The following LRMDA variants were observed in gnomAD, a reference collection of about 807,000 sequenced individuals.
LRMDA encodes leucine-rich melanocyte differentiation-associated protein.
LRMDA carries 18 observed loss-of-function variants against 29.8 expected under a neutral mutation model. That is an observed-to-expected ratio of 0.60 (90% CI 0.42 to 0.90). LRMDA has a LOEUF of 0.90. Ranked by LOEUF, LRMDA falls within the 40% of genes least tolerant of loss-of-function variation. The probability of loss-of-function intolerance (pLI) is 0.00; values close to 1 mark genes in which losing one functional copy is unlikely to be tolerated. For missense variants in LRMDA, 273 were observed against 273.9 expected (o/e 1.00, Z 0.02); for synonymous variants, 125 against 109.4 (o/e 1.14, Z -0.89).
At position 76,081,316 on chromosome 10, in the gene LRMDA, A is replaced by G. The variant is rs567172735; in HGVS notation, c.516+22533A>G. ...CATGGCAAAATCCTATCTATAAAAA[A>G]TACAAAAATTAGCCGGGTGTGGTGG... On this transcript the variant is annotated intron_variant, in intron 5 of 6. Transcript: ENST00000611255. Among the ~76,000 whole-genome samples, 3 of 152,292 alleles carry G rather than the reference A, an allele frequency of 2.0e-5. No individual in the cohort carries two copies. The East Asian group carries it at 5.8e-4, about 29-fold the overall frequency.
At chr10:76,034,171 T>C (rs775435756) in intron 2 of LRMDA, among the ~76,000 whole-genome samples, 1 of 152,034 alleles carries the variant, frequency 6.6e-6, no homozygotes, top group African/African-American at 2.4e-5. Context: ...TGTGCGTACA[T>C]TGTGGGTTTT....
At chr10:75,998,374 C>T (rs1188061757) in intron 2 of LRMDA, among the ~76,000 whole-genome samples, 1 of 152,128 alleles carries the variant, frequency 6.6e-6, no homozygotes, top group Admixed American at 6.5e-5. Context: ...ATGGTGTGGC[C>T]TCATCACCTG....
At chr10:76,135,541 G>A (rs549997304) in intron 5 of LRMDA, among the ~76,000 whole-genome samples, 36 of 152,268 alleles carry the variant, frequency 2.4e-4, no homozygotes, top group African/African-American at 8.7e-4. Context: ...CAACTAGGTG[G>A]TTTAAACAGC....
chr10:76,083,262 C>G (rs956118077), intron 5 of LRMDA, among the ~76,000 whole-genome samples: 2 of 152,288 alleles, frequency 1.3e-5, no homozygotes, highest in African/African-American at 4.8e-5. Context: ...AGACAGAATT[C>G]CTCTGCCCTA....
intron 2 of LRMDA, among the ~76,000 whole-genome samples, chr10:75,813,724 A>G (rs1844006051): frequency 6.6e-6 from 1 of 152,354 alleles, no homozygotes; most frequent in Non-Finnish European, 1.5e-5. Flanking sequence ...GCAGTTTCAG[A>G]TATCCAAATT....
intron 2 of LRMDA, among the ~76,000 whole-genome samples, chr10:75,612,398 T>C (rs1014753001): frequency 6.6e-6 from 1 of 152,112 alleles, no homozygotes; most frequent in Non-Finnish European, 1.5e-5. Flanking sequence ...TATAGCCAGA[T>C]CCCAAGCAGT....
At chr10:75,465,577 G>A (rs1341455310) in intron 2 of LRMDA, among the ~76,000 whole-genome samples, 1 of 152,204 alleles carries the variant, frequency 6.6e-6, no homozygotes, top group African/African-American at 2.4e-5. Context: ...CGGTGGTAAT[G>A]ACTGCAGCTC....
At chr10:76,120,628 T>G (rs1271913932) in intron 5 of LRMDA, among the ~76,000 whole-genome samples, 1 of 152,148 alleles carries the variant, frequency 6.6e-6, no homozygotes, top group East Asian at 1.9e-4. Context: ...AATGGGATGA[T>G]AGCATAAGAA....
chr10:75,787,040 G>A (rs1242648970), intron 2 of LRMDA, among the ~76,000 whole-genome samples: 9 of 152,330 alleles, frequency 5.9e-5, no homozygotes, highest in Admixed American at 4.6e-4. Context: ...CACTAGATTT[G>A]TCTGTGCTGT....
intron 2 of LRMDA, among the ~76,000 whole-genome samples, chr10:75,613,675 A>C (rs1564522609): frequency 6.6e-6 from 1 of 152,202 alleles, no homozygotes; most frequent in African/African-American, 2.4e-5. Context: ...TGGGTCACCA[A>C]ACAATTTCTC....
At chr10:76,407,595 G>T (rs1841915935) in intron 6 of LRMDA, among the ~76,000 whole-genome samples, 1 of 152,140 alleles carries the variant, frequency 6.6e-6, no homozygotes, top group Admixed American at 6.6e-5. Flanking sequence ...TAGATTTTAT[G>T]ATCACTGTCA....
chr10:76,213,355 T>C (rs747071534), intron 5 of LRMDA, among the ~76,000 whole-genome samples: 3 of 152,208 alleles, frequency 2.0e-5, no homozygotes, highest in Non-Finnish European at 4.4e-5. Flanking sequence ...CCTGGTTGTA[T>C]CCATTTAATA....
intron 6 of LRMDA, among the ~76,000 whole-genome samples, chr10:76,540,282 T>C (rs1452228871): frequency 1.3e-5 from 2 of 150,542 alleles, no homozygotes; most frequent in African/African-American, 5.0e-5. Flanking sequence ...TTTATTTTGA[T>C]GAAAAGATAG....
chr10:75,465,755 T>C (rs1844642576), intron 2 of LRMDA, among the ~76,000 whole-genome samples: 1 of 152,212 alleles, frequency 6.6e-6, no homozygotes, highest in Admixed American at 6.5e-5. Context: ...TGGCATATGG[T>C]AGCAGGCTCC....
chr10:75,545,178 G>C (rs895012398), intron 2 of LRMDA, among the ~76,000 whole-genome samples: 1 of 152,182 alleles, frequency 6.6e-6, no homozygotes, highest in Non-Finnish European at 1.5e-5. Context: ...GCACAGGACA[G>C]CTCCCACAAC....
intron 6 of LRMDA, among the ~76,000 whole-genome samples, chr10:76,552,532 C>A (rs1202238176): frequency 1.3e-5 from 2 of 152,154 alleles, no homozygotes. Flanking sequence ...CAATATTGGA[C>A]CTGGTGTTCT....
At chr10:75,657,518 G>A (rs74147165) in intron 2 of LRMDA, among the ~76,000 whole-genome samples, 2,090 of 152,284 alleles carry the variant, frequency 0.014, 56 homozygotes, top group East Asian at 0.12. Context: ...GACTGCCTGG[G>A]ATTCAAATCC....
Position 75,521,471 on chromosome 10 carries a change from C to T in LRMDA, c.131+82977C>T, listed in dbSNP as rs191836640. Reference sequence around the variant, plus strand: ...CTCGCAGGTCGATCTCAGACTGCTGCGCTAGCAGTGAGCAAGGCTCCGTGG... The same window carrying T: ...CTCGCAGGTCGATCTCAGACTGCTGTGCTAGCAGTGAGCAAGGCTCCGTGG... On this transcript the variant is annotated intron_variant, in intron 2 of 6. Coordinates refer to ENST00000611255, the MANE Select transcript of LRMDA (RefSeq NM_001305581.2). Among the ~76,000 whole-genome samples the T allele has an allele frequency of 2.1e-3, 321 of 152,336 alleles. 2 individuals carry two copies. Among genetic ancestry groups the T allele is most frequent in the Non-Finnish European group, 2.6e-3 (180 of 68,022 alleles).
intron 2 of LRMDA, among the ~76,000 whole-genome samples, chr10:75,676,395 A>T (rs959413258): frequency 2.0e-5 from 3 of 152,182 alleles, no homozygotes; most frequent in African/African-American, 7.2e-5. Context: ...ATTTTTTACA[A>T]TTCTAGCATT....
Sources: allele counts gnomAD v4.1 joint callset (sites outside exome capture counted in the v4.1 genomes callset), GRCh38; gene constraint gnomAD v4.1.1; transcripts MANE v1.5; gene names NCBI Gene and HGNC (gene_info 2026-07-23, HGNC 2026-07-21).